DOCK3: variants seen among roughly 807,000 people sequenced by gnomAD.
The protein encoded by DOCK3 is dedicator of cytokinesis 3.
In DOCK3, 60 loss-of-function variants were observed where a neutral mutation model predicts 265.6. That is an observed-to-expected ratio of 0.23 (90% CI 0.18 to 0.28). The LOEUF is 0.28. DOCK3 is among the 10% of genes least tolerant of loss of function. DOCK3 has a pLI of 1.00. For missense variants in DOCK3, 1,981 were observed against 2,594.3 expected (o/e 0.76, Z 5.14); for synonymous variants, 881 against 938.0 (o/e 0.94, Z 1.11).
intron 5 of DOCK3, among the ~76,000 whole-genome samples, chr3:51,023,765 A>T (rs1314308919): frequency 6.6e-6 from 1 of 152,002 alleles, no homozygotes. Context: ...TTTTTCATGC[A>T]TATCCTTGAC....
At position 51,146,570 on chromosome 3, in the gene DOCK3, G is replaced by C; in HGVS notation, c.768G>C (p.Leu256=). 5 of 1,597,866 alleles carry C rather than the reference G, an allele frequency of 3.1e-6. No individual in the cohort carries two copies. Among genetic ancestry groups the C allele is most frequent in the Non-Finnish European group, 4.3e-6 (5 of 1,171,682 alleles). ...TCAGTGAGCGGTTTCTGGTAAGACT[G>C]AACAAGAATGGTGGGCCGAGGAACC... ...KQISERFLVR[L]NKNGGPRNPE... is the part of the protein sequence containing the mutation. The change falls in exon 10 of 53, where the codon CTG becomes CTC. Residue 256 remains leucine (L), a synonymous_variant. Transcript: ENST00000266037.
At chr3:50,899,913 CT>C (rs1262096316) in intron 4 of DOCK3, among the ~76,000 whole-genome samples, 1 of 152,068 alleles carries the variant, frequency 6.6e-6, no homozygotes, top group Non-Finnish European at 1.5e-5. Context: ...ACATTTTTTC[CT>C]TCATTTCAAC....
intron 4 of DOCK3, among the ~76,000 whole-genome samples, chr3:50,907,811 C>G (rs1014303241): frequency 3.3e-5 from 5 of 151,600 alleles, no homozygotes; most frequent in African/African-American, 1.2e-4. Flanking sequence ...TAGCTGGTAC[C>G]AGCTCTTTTT....
chr3:50,965,625 A>G (rs530002735), intron 5 of DOCK3, among the ~76,000 whole-genome samples: 1 of 152,262 alleles, frequency 6.6e-6, no homozygotes, highest in Non-Finnish European at 1.5e-5. Flanking sequence ...ACTGTAATAT[A>G]TCTATCAAAT....
chr3:51,199,220 C>T (rs1429054034), intron 12 of DOCK3, among the ~76,000 whole-genome samples: 2 of 152,132 alleles, frequency 1.3e-5, no homozygotes, highest in African/African-American at 4.8e-5. Context: ...GTGCGTGAGC[C>T]AAAGCAGGGC....
chr3:51,115,520 G>C (rs2083697130), intron 9 of DOCK3, among the ~76,000 whole-genome samples: 1 of 152,060 alleles, frequency 6.6e-6, no homozygotes, highest in Non-Finnish European at 1.5e-5. Context: ...ATTTGTTTAA[G>C]TTCCTTATAG....
intron 12 of DOCK3, among the ~76,000 whole-genome samples, chr3:51,178,511 C>T (rs527489516): frequency 8.5e-5 from 13 of 152,318 alleles, no homozygotes; most frequent in Non-Finnish European, 1.8e-4. Context: ...TTTAAAGGAA[C>T]GCTGACCAAA....
intron 13 of DOCK3, among the ~76,000 whole-genome samples, chr3:51,211,027 G>T (rs1359896830): frequency 6.6e-6 from 1 of 152,198 alleles, no homozygotes; most frequent in Non-Finnish European, 1.5e-5. Context: ...TTAAGGACAA[G>T]TGAAGATAAA....
At chr3:50,791,317 G>A (rs1258624850) in intron 2 of DOCK3, among the ~76,000 whole-genome samples, 2 of 135,278 alleles carry the variant, frequency 1.5e-5, no homozygotes, top group Non-Finnish European at 3.1e-5. Context: ...AGGATTGAGT[G>A]CAGTGGTGCC....
intron 21 of DOCK3, among the ~76,000 whole-genome samples, chr3:51,242,733 G>A (rs2078664069): frequency 6.6e-6 from 1 of 152,140 alleles, no homozygotes; most frequent in African/African-American, 2.4e-5. Context: ...GGCTGGCTCT[G>A]TGCCCACCAA....
At chr3:51,179,550 G>T (rs1322002593) in intron 12 of DOCK3, among the ~76,000 whole-genome samples, 2 of 152,132 alleles carry the variant, frequency 1.3e-5, no homozygotes, top group Non-Finnish European at 2.9e-5. Flanking sequence ...TGTAAAGCAG[G>T]TATAGATAAA....
rs11404204 is a variant in DOCK3, at chr3:51,157,796, C to CTT, written c.829-1428_829-1427dup. ...AATCATGACTGCCATTTGATTGTAC[C>CTT]TTTTTTTTTTTTTTTTTTTTTGAGA... On this transcript the variant is annotated intron_variant, in intron 10 of 52. Transcript: ENST00000266037. 1.3e-3 allele frequency among the ~76,000 whole-genome samples: 172 copies of CTT among 129,624 alleles called. 3 individuals carry two copies. Among genetic ancestry groups the CTT allele is most frequent in the East Asian group, 6.8e-3 (27 of 3,988 alleles). The allele number at this position is 129,624 out of a possible 152,430, so 85.0% of individuals were successfully genotyped here.
intron 5 of DOCK3, among the ~76,000 whole-genome samples, chr3:51,000,437 T>A (rs1484614418): frequency 5.9e-5 from 9 of 152,240 alleles, no homozygotes; most frequent in African/African-American, 1.7e-4. Context: ...GCTTGCTGCC[T>A]GACTGCTACC....
At chr3:51,029,948 A>G (rs996056672) in intron 5 of DOCK3, among the ~76,000 whole-genome samples, 1 of 143,360 alleles carries the variant, frequency 7.0e-6, no homozygotes, top group South Asian at 2.3e-4. Context: ...ATTGCCACCT[A>G]TTGTGTTTCC....
chr3:51,349,039 C>A, intron 39 of DOCK3, 101 bp downstream of exon 39: 2 of 1,162,304 alleles, frequency 1.7e-6, no homozygotes, highest in Non-Finnish European at 2.4e-6. Context: ...GTGGACAATA[C>A]AAGAGAAACA....
intron 2 of DOCK3, among the ~76,000 whole-genome samples, chr3:50,811,536 CTG>C (rs1191567620): frequency 6.6e-6 from 1 of 152,160 alleles, no homozygotes; most frequent in Non-Finnish European, 1.5e-5. Flanking sequence ...TTTGAGAAAA[CTG>C]AAATGTCTCA....
At chr3:51,078,034 A>G (rs1409172550) in intron 7 of DOCK3, among the ~76,000 whole-genome samples, 5 of 150,732 alleles carry the variant, frequency 3.3e-5, no homozygotes, top group Non-Finnish European at 7.4e-5. Flanking sequence ...TGCAATATCC[A>G]TACAACAAAT....
At chr3:51,190,312 G>T (rs1374202733) in intron 12 of DOCK3, among the ~76,000 whole-genome samples, 1 of 152,056 alleles carries the variant, frequency 6.6e-6, no homozygotes, top group Non-Finnish European at 1.5e-5. Flanking sequence ...CTATGCAAGA[G>T]ATCCAGTGAT....
intron 4 of DOCK3, among the ~76,000 whole-genome samples, chr3:50,915,828 A>T (rs185971088): frequency 5.9e-5 from 9 of 152,050 alleles, no homozygotes; most frequent in African/African-American, 1.9e-4. Flanking sequence ...TGTTTTCAAG[A>T]TGAGGGTACT....
Sources: gnomAD v4.1 joint callset for allele counts (sites outside exome capture counted in the v4.1 genomes callset) on GRCh38, gnomAD v4.1.1 for gene constraint, MANE v1.5 for transcripts, NCBI Gene and HGNC (gene_info 2026-07-23, HGNC 2026-07-21) for gene names.